The following GSTCD variants were observed in gnomAD, a reference collection of about 807,000 sequenced individuals.
GSTCD encodes the protein glutathione S-transferase C-terminal domain containing.
Under a neutral mutation model 68.3 loss-of-function variants are expected in GSTCD, and 44 were observed. The ratio of observed to expected loss-of-function variants is 0.64; its 90% CI spans 0.51 to 0.83. The LOEUF (loss-of-function observed/expected upper bound fraction) is 0.83. Among genes scored for constraint, GSTCD ranks in the 40% least tolerant of loss-of-function variants. The pLI is 0.00. For synonymous variants in GSTCD, 273 were observed against 255.2 expected, an observed-to-expected ratio of 1.07 and a Z score of -0.67; for missense variants, 739 against 735.9, an observed-to-expected ratio of 1.00 and a Z score of -0.05.
chr4:105,776,565 C>T lies in GSTCD; in HGVS notation c.1241-46389C>T, dbSNP rs550932676. Among the ~76,000 whole-genome samples, 16 of 152,304 alleles carry T rather than the reference C, an allele frequency of 1.1e-4. No individual in the cohort carries two copies. The South Asian group carries it at 3.3e-3, about 32-fold the overall frequency. On this transcript the variant is annotated intron_variant, in intron 5 of 11. Transcript: ENST00000515279. ...TGCACCTTTCCTCACGGCACAGTTC[C>T]TCAGGGCTTCCCTTGGCTAGGGGAG...
intron 5 of GSTCD, among the ~76,000 whole-genome samples, chr4:105,814,876 A>G (rs1298024929): frequency 6.6e-6 from 1 of 152,154 alleles, no homozygotes; most frequent in Non-Finnish European, 1.5e-5. Context: ...TTAGAAAGGG[A>G]AAAGGAATGG....
At chr4:105,754,423 T>C (rs1734111738) in intron 5 of GSTCD, among the ~76,000 whole-genome samples, 1 of 152,200 alleles carries the variant, frequency 6.6e-6, no homozygotes, top group Admixed American at 6.5e-5. Flanking sequence ...TAGTTATCAA[T>C]AGTATAATGT....
chr4:105,840,817 G>T (rs1724302729), intron 10 of GSTCD, among the ~76,000 whole-genome samples: 1 of 152,140 alleles, frequency 6.6e-6, no homozygotes, highest in Non-Finnish European at 1.5e-5. Context: ...CGTCTTTACA[G>T]TTTGTCTTAA....
chr4:105,808,681 C>T (rs952649469), intron 5 of GSTCD, among the ~76,000 whole-genome samples: 4 of 152,088 alleles, frequency 2.6e-5, no homozygotes, highest in East Asian at 1.9e-4. Context: ...TTTGCAGTTT[C>T]GCTTTCTGTG....
intron 8 of GSTCD, among the ~76,000 whole-genome samples, chr4:105,833,164 G>T (rs956363419): frequency 3.9e-5 from 6 of 152,158 alleles, no homozygotes; most frequent in African/African-American, 1.4e-4. Context: ...GGGGCATCTG[G>T]TTTATAATAT....
At chr4:105,774,527 C>T (rs933530565) in intron 5 of GSTCD, among the ~76,000 whole-genome samples, 3 of 152,156 alleles carry the variant, frequency 2.0e-5, no homozygotes, top group African/African-American at 2.4e-5. Context: ...CCTTCAGGAG[C>T]TCTTGTAAGG....
intron 10 of GSTCD, among the ~76,000 whole-genome samples, chr4:105,840,982 A>T (rs1578528287): frequency 6.6e-6 from 1 of 152,196 alleles, no homozygotes; most frequent in East Asian, 1.9e-4. Flanking sequence ...GAAGCCACAC[A>T]GTGATCTGCA....
chr4:105,800,206 G>C (rs1736054531), intron 5 of GSTCD, among the ~76,000 whole-genome samples: 1 of 152,146 alleles, frequency 6.6e-6, no homozygotes, highest in Non-Finnish European at 1.5e-5. Flanking sequence ...GGCAAGGAGA[G>C]CAAGTCACAT....
chr4:105,795,417 T>A (rs999771040), intron 5 of GSTCD, among the ~76,000 whole-genome samples: 3 of 152,088 alleles, frequency 2.0e-5, no homozygotes, highest in Admixed American at 6.5e-5. Context: ...TAGGTGTTTA[T>A]TGTTGGGATG....
chr4:105,717,780 T>C lies in GSTCD; in HGVS notation c.167T>C (p.Val56Ala). The C allele has an allele frequency of 1.9e-6, 3 of 1,613,950 alleles. No individual in the cohort carries two copies. The highest frequency in any genetic ancestry group is 2.2e-5 in the South Asian group (2 of 91,068). Residue 56 changes from valine to alanine, a missense_variant, in exon 2 of 12, where the codon GTG becomes GCG. Transcript: ENST00000515279. ...FKICLVVTKE[V>A]SRDSSLLRDD... ...ATTTGCTTAGTTGTCACCAAAGAGG[T>C]GAGTAGAGATAGTTCACTACTAAGA... is the stretch of plus-strand genomic sequence containing the variant.
chr4:105,809,855 A>G (rs1722685588), intron 5 of GSTCD, among the ~76,000 whole-genome samples: 1 of 151,798 alleles, frequency 6.6e-6, no homozygotes, highest in South Asian at 2.1e-4. Flanking sequence ...CTGCAGTGAG[A>G]AATTGTGTTT....
At chr4:105,844,162 AC>A in intron 11 of GSTCD, among the ~76,000 whole-genome samples, 1 of 152,294 alleles carries the variant, frequency 6.6e-6, no homozygotes, top group East Asian at 1.9e-4. Flanking sequence ...CTGGGTGGGT[AC>A]TTAAGGAATG....
chr4:105,844,262 A>G lies in GSTCD; in HGVS notation c.1766-1179A>G, dbSNP rs528892875. 2.0e-4 allele frequency among the ~76,000 whole-genome samples: 30 copies of G among 152,282 alleles called. 1 individual carries two copies. The South Asian group carries it at 3.5e-3, about 18-fold the overall frequency. ...TTACAGATGTCTTAAAGGAAAGACAATATTTTAAGGGAAAAAAAAGAATGT... is the reference window on the plus strand; with the variant it reads ...TTACAGATGTCTTAAAGGAAAGACAGTATTTTAAGGGAAAAAAAAGAATGT... On this transcript the variant is annotated intron_variant, in intron 11 of 11. Transcript: ENST00000515279.
chr4:105,782,604 G>A (rs746627516), intron 5 of GSTCD, among the ~76,000 whole-genome samples: 55 of 144,888 alleles, frequency 3.8e-4, no homozygotes, highest in Admixed American at 7.5e-4. Context: ...TTTTTTTTTT[G>A]AGACAGAGTC....
intron 8 of GSTCD, among the ~76,000 whole-genome samples, chr4:105,830,941 C>A (rs960024119): frequency 2.6e-5 from 4 of 152,082 alleles, no homozygotes; most frequent in Non-Finnish European, 4.4e-5. Context: ...TAAATAATGT[C>A]TAATATTTAC....
chr4:105,798,692 T>G (rs1735995110), intron 5 of GSTCD, among the ~76,000 whole-genome samples: 1 of 135,954 alleles, frequency 7.4e-6, no homozygotes. Context: ...TAAGTCTCAA[T>G]AATGGTCTTG....
chr4:105,844,548 T>G (rs550776287), intron 11 of GSTCD, among the ~76,000 whole-genome samples: 1 of 152,222 alleles, frequency 6.6e-6, no homozygotes, highest in Non-Finnish European at 1.5e-5. Flanking sequence ...TTTCTGAAGT[T>G]GTTTTAGTTT....
chr4:105,742,707 CTTT>C (rs70941211), intron 5 of GSTCD, among the ~76,000 whole-genome samples: 7 of 130,370 alleles, frequency 5.4e-5, no homozygotes, highest in Admixed American at 1.6e-4. Flanking sequence ...GTTGTTTTTA[CTTT>C]TTTTTTTTTT....
At chr4:105,737,206 A>G (rs1003217242) in intron 5 of GSTCD, among the ~76,000 whole-genome samples, 4 of 152,156 alleles carry the variant, frequency 2.6e-5, no homozygotes, top group Non-Finnish European at 5.9e-5. Flanking sequence ...ATTCCTACCA[A>G]CAGTATATAA....
Sources: allele counts gnomAD v4.1 joint callset (sites outside exome capture counted in the v4.1 genomes callset), GRCh38; gene constraint gnomAD v4.1.1; transcripts MANE v1.5; gene names NCBI Gene and HGNC (gene_info 2026-07-23, HGNC 2026-07-21).